Variants in RBFOX1 observed in about 807,000 individuals in gnomAD.
RBFOX1 encodes RNA binding fox-1 homolog 1, also known as RNA binding protein fox-1 homolog 1.
A neutral mutation model predicts 57.7 loss-of-function variants in RBFOX1; 8 were observed. The ratio of observed to expected loss-of-function variants is 0.14; its 90% CI spans 0.08 to 0.25. The LOEUF (loss-of-function observed/expected upper bound fraction) is 0.25. Among genes scored for constraint, RBFOX1 ranks in the 10% least tolerant of loss-of-function variants. The pLI, the probability that RBFOX1 is intolerant of heterozygous loss-of-function variation, is 1.00. For synonymous variants in RBFOX1, 326 were observed against 222.4 expected (o/e 1.47, Z -4.15); for missense variants, 611 against 548.5 (o/e 1.11, Z -1.14).
intron 4 of RBFOX1, among the ~76,000 whole-genome samples, chr16:7,114,404 T>A (rs1487142687): frequency 2.6e-5 from 4 of 152,184 alleles, no homozygotes. Flanking sequence ...AAGTATATGC[T>A]CACTGTACCC....
At chr16:7,419,934 TTTTTTTTTTTA>T (rs1016135930) in intron 4 of RBFOX1, among the ~76,000 whole-genome samples, 7 of 107,938 alleles carry the variant, frequency 6.5e-5, no homozygotes, top group African/African-American at 3.0e-4. Context: ...CCTTTTTTTT[TTTTTTTTTTTA>T]ATTGTTTTGG....
At chr16:6,303,222 T>C (rs1049518766) in intron 1 of RBFOX1, among the ~76,000 whole-genome samples, 2 of 152,220 alleles carry the variant, frequency 1.3e-5, no homozygotes, top group Non-Finnish European at 2.9e-5. Context: ...GATGTCCACA[T>C]TTCATAGCTT....
At chr16:6,137,384 A>G (rs1204047132) in intron 1 of RBFOX1, among the ~76,000 whole-genome samples, 1 of 152,116 alleles carries the variant, frequency 6.6e-6, no homozygotes, top group Non-Finnish European at 1.5e-5. Context: ...GGCTCACTGC[A>G]GCTGCCTTCT....
rs2096370209 is a variant in RBFOX1, at chr16:6,105,690, A to G, written c.-127+85698A>G. ...AACTTGGAAAGTAGAAAAAAAATATATATATATATATAAATTAATTCCCTT... is the reference window on the plus strand; with the variant it reads ...AACTTGGAAAGTAGAAAAAAAATATGTATATATATATAAATTAATTCCCTT... On this transcript the variant is annotated intron_variant, in intron 1 of 15. Coordinates refer to ENST00000550418, the MANE Select transcript of RBFOX1 (RefSeq NM_018723.4). Among the ~76,000 whole-genome samples the G allele has an allele frequency of 2.7e-5, 4 of 149,400 alleles. No homozygotes were observed. In the South Asian group the frequency reaches 8.6e-4, roughly 32 times the overall value.
At chr16:7,050,269 T>C (rs2049563480) in intron 3 of RBFOX1, among the ~76,000 whole-genome samples, 2 of 150,770 alleles carry the variant, frequency 1.3e-5, no homozygotes, top group South Asian at 2.1e-4. Context: ...TTTATCTTTT[T>C]TTTTTTTTCT....
chr16:6,038,316 G>C (rs183426943), intron 1 of RBFOX1: 32 of 149,938 alleles, frequency 2.1e-4, no homozygotes, highest in African/African-American at 7.8e-4. Flanking sequence ...TGAGTAGGTG[G>C]GATTACAGGC....
intron 2 of RBFOX1, among the ~76,000 whole-genome samples, chr16:5,491,143 C>T (rs915670020): frequency 6.6e-6 from 1 of 152,040 alleles, no homozygotes; most frequent in African/African-American, 2.4e-5. Context: ...GCCGAAACAT[C>T]GTTACATGGT....
At chr16:6,765,502 C>T (rs1258659011) in intron 3 of RBFOX1, among the ~76,000 whole-genome samples, 2 of 151,022 alleles carry the variant, frequency 1.3e-5, no homozygotes, top group Admixed American at 6.7e-5. Context: ...AACAAACCTG[C>T]ACATGTACAC....
chr16:6,342,184 C>A (rs1172610918), intron 2 of RBFOX1, among the ~76,000 whole-genome samples: 1 of 152,076 alleles, frequency 6.6e-6, no homozygotes, highest in Non-Finnish European at 1.5e-5. Context: ...CACTCTGCTG[C>A]AATGTGGGAA....
intron 3 of RBFOX1, among the ~76,000 whole-genome samples, chr16:6,916,069 C>T (rs1453802280): frequency 6.6e-6 from 1 of 152,102 alleles, no homozygotes; most frequent in Admixed American, 6.6e-5. Flanking sequence ...ACTCCCCAGA[C>T]CCAGGGCTTA....
chr16:7,156,459 A>G (rs899812772), intron 4 of RBFOX1, among the ~76,000 whole-genome samples: 2 of 152,122 alleles, frequency 1.3e-5, no homozygotes, highest in African/African-American at 2.4e-5. Context: ...ATGTGTACAT[A>G]TACATGCACA....
chr16:7,606,347 T>A (rs2095285845), intron 9 of RBFOX1, among the ~76,000 whole-genome samples: 1 of 150,384 alleles, frequency 6.6e-6, no homozygotes, highest in South Asian at 2.1e-4. Context: ...GGTCTCAAAC[T>A]CCTGACCTCG....
Position 6,888,523 on chromosome 16 carries a change from A to G in RBFOX1, c.-15-163534A>G, listed in dbSNP as rs143977514. Among the ~76,000 whole-genome samples the G allele has an allele frequency of 1.2e-4, 18 of 152,222 alleles. No homozygotes were observed. The East Asian group carries it at 3.5e-3, about 29-fold the overall frequency. ...GCAATTGCACTCTCTGTCTACCGAG[A>G]AATTTTATCTCCACATTGTTTTTAC... is the stretch of plus-strand genomic sequence containing the variant. On this transcript the variant is annotated intron_variant, in intron 3 of 15. Transcript: ENST00000550418.
At chr16:5,302,064 A>G (rs2063819940) in intron 1 of RBFOX1, among the ~76,000 whole-genome samples, 1 of 151,844 alleles carries the variant, frequency 6.6e-6, no homozygotes, top group South Asian at 2.1e-4. Flanking sequence ...TTATTTTTTA[A>G]TATAGGCATT....
At chr16:6,064,439 G>A (rs575910614) in intron 1 of RBFOX1, among the ~76,000 whole-genome samples, 1 of 152,184 alleles carries the variant, frequency 6.6e-6, no homozygotes, top group East Asian at 1.9e-4. Context: ...TTATCTTTGG[G>A]GGGATACTTG....
intron 2 of RBFOX1, among the ~76,000 whole-genome samples, chr16:6,636,838 T>C (rs1165508875): frequency 2.5e-5 from 3 of 120,324 alleles, no homozygotes; most frequent in African/African-American, 3.4e-5. Context: ...TTATATATAA[T>C]ATATAATATA....
At chr16:5,808,933 G>C (rs4398110) in intron 3 of RBFOX1, among the ~76,000 whole-genome samples, 103,389 of 151,970 alleles carry the variant, frequency 0.68, 35,671 homozygotes, top group African/African-American at 0.81. Context: ...CCTAATTTCC[G>C]TGGCCACAAC....
intron 3 of RBFOX1, among the ~76,000 whole-genome samples, chr16:5,826,104 A>ATT (rs2056040594): frequency 6.8e-6 from 1 of 147,074 alleles, no homozygotes; most frequent in Non-Finnish European, 1.5e-5. Flanking sequence ...AATAAGGAAT[A>ATT]ATATTCCTTA....
At chr16:5,331,495 T>A (rs2064755660) in intron 1 of RBFOX1, among the ~76,000 whole-genome samples, 1 of 152,238 alleles carries the variant, frequency 6.6e-6, no homozygotes, top group African/African-American at 2.4e-5. Context: ...TCTTACCAAT[T>A]CTGGAACTAG....
Sources: gnomAD v4.1 joint callset for allele counts (sites outside exome capture counted in the v4.1 genomes callset) on GRCh38, gnomAD v4.1.1 for gene constraint, MANE v1.5 for transcripts, NCBI Gene and HGNC (gene_info 2026-07-23, HGNC 2026-07-21) for gene names.